Variants in TNPO1 observed in about 807,000 individuals in gnomAD.
TNPO1 encodes the protein transportin-1.
Under a neutral mutation model 119.5 loss-of-function variants are expected in TNPO1, and 8 were observed. The ratio of observed to expected loss-of-function variants is 0.07; its 90% CI spans 0.04 to 0.12. The LOEUF is 0.12. Among genes scored for constraint, TNPO1 ranks in the 10% least tolerant of loss-of-function variants. TNPO1 has a pLI of 1.00. For synonymous variants in TNPO1, 362 were observed against 363.0 expected (o/e 1.00, Z 0.03); for missense variants, 576 against 1,089.8 (o/e 0.53, Z 6.64).
intron 13 of TNPO1, 29 bp downstream of exon 13, chr5:72,888,332 T>G (rs1019276084): frequency 5.0e-6 from 8 of 1,589,370 alleles, no homozygotes; most frequent in Non-Finnish European, 6.0e-6. Flanking sequence ...ACAGTGTTCT[T>G]TGTGGCAGTG....
chr5:72,875,766 A>G, intron 8 of TNPO1, 29 bp downstream of exon 8: 3 of 1,586,194 alleles, frequency 1.9e-6, no homozygotes, highest in South Asian at 1.1e-5. Context: ...AGGCTCTTTC[A>G]TCATCTTTCC....
chr5:72,826,520 T>A (rs374908173), intron 1 of TNPO1, among the ~76,000 whole-genome samples: 39 of 152,204 alleles, frequency 2.6e-4, no homozygotes, highest in African/African-American at 8.7e-4. Context: ...GCAAGATCTT[T>A]GTTTTATTTT....
chr5:72,862,786 C>G (rs543506988), intron 5 of TNPO1, among the ~76,000 whole-genome samples: 1 of 152,252 alleles, frequency 6.6e-6, no homozygotes, highest in African/African-American at 2.4e-5. Flanking sequence ...GCTGCGATTA[C>G]AGGCATGAGC....
At chr5:72,901,188 A>G (rs1042997302) in intron 22 of TNPO1, 115 bp downstream of exon 22, 1 of 612,776 alleles carries the variant, frequency 1.6e-6, no homozygotes, top group African/African-American at 1.9e-5. Context: ...ATCAAAATAC[A>G]GTTAAACCTT....
At chr5:72,865,110 GATTTTTAC>G (rs1241182944) in intron 5 of TNPO1, among the ~76,000 whole-genome samples, 2 of 152,038 alleles carry the variant, frequency 1.3e-5, no homozygotes, top group African/African-American at 4.8e-5. Flanking sequence ...TTTTAACTGA[GATTTTTAC>G]ATACTCGATG....
At chr5:72,851,551 G>C (rs1481919962) in intron 3 of TNPO1, among the ~76,000 whole-genome samples, 1 of 152,122 alleles carries the variant, frequency 6.6e-6, no homozygotes, top group Non-Finnish European at 1.5e-5. Context: ...GGAGTGCAGT[G>C]GTGCGATCTT....
At chr5:72,833,890 C>T (rs998419612) in intron 1 of TNPO1, among the ~76,000 whole-genome samples, 2 of 152,110 alleles carry the variant, frequency 1.3e-5, no homozygotes, top group African/African-American at 4.8e-5. Flanking sequence ...TTTAGTTGTA[C>T]GGTAGTCTAT....
chr5:72,869,610 G>GA (rs1418656864), intron 6 of TNPO1, among the ~76,000 whole-genome samples: 1 of 152,106 alleles, frequency 6.6e-6, no homozygotes, highest in Non-Finnish European at 1.5e-5. Flanking sequence ...CTAAAAATCA[G>GA]AATTTGACCT....
chr5:72,848,794 A>C (rs1258715216), intron 2 of TNPO1, among the ~76,000 whole-genome samples: 1 of 148,092 alleles, frequency 6.8e-6, no homozygotes, highest in South Asian at 2.1e-4. Flanking sequence ...GGATCGCGAC[A>C]TGTGCGCGGG....
intron 4 of TNPO1, among the ~76,000 whole-genome samples, chr5:72,857,637 G>A (rs1746108017): frequency 6.6e-6 from 1 of 152,220 alleles, no homozygotes; most frequent in Non-Finnish European, 1.5e-5. Context: ...ATGGAATTTA[G>A]AAGGAAGGTG....
In TNPO1 at chr5:72,889,941, A is replaced by G. The variant is rs765305082; in HGVS notation, c.1685A>G (p.His562Arg). 15 of 1,613,388 alleles carry G rather than the reference A, an allele frequency of 9.3e-6. No homozygotes were observed. The highest frequency in any genetic ancestry group is 1.7e-5 in the Admixed American group (1 of 59,828). ...GGAACATTAGCAGATTCAGTAGGAC[A>G]TCATTTAAACAAACCAGTAAGTATC... ...AIGTLADSVGHHLNKPEYIQM... is the reference protein window; with the variant it reads ...AIGTLADSVGRHLNKPEYIQM... The change falls in exon 14 of 25, where the codon CAT (histidine) becomes CGT (arginine). Residue 562 changes from histidine (H) to arginine (R), a missense_variant. By Grantham distance (29) the His-to-Arg change is conservative (BLOSUM62 0). Around this residue, in one of 6 missense-constraint regions of TNPO1, gnomAD observed 23 missense variants for 105.8 expected, o/e 0.22. Transcript: ENST00000337273.
At chr5:72,882,439 T>A in intron 9 of TNPO1, 28 bp from the exon 10 acceptor site, 1 of 1,573,366 alleles carries the variant, frequency 6.4e-7, no homozygotes, top group Non-Finnish European at 8.7e-7. Context: ...TCTTAAGGTC[T>A]TTGTTTCATG....
intron 4 of TNPO1, 33 bp downstream of exon 4, chr5:72,855,956 G>A: frequency 1.9e-6 from 3 of 1,605,322 alleles, no homozygotes; most frequent in Non-Finnish European, 2.6e-6. Context: ...TGCTTACTTT[G>A]TTTGTAACTG....
chr5:72,896,430 T>C, intron 18 of TNPO1, 28 bp from the exon 19 acceptor site: 1 of 1,549,492 alleles, frequency 6.5e-7, no homozygotes, highest in East Asian at 2.3e-5. Context: ...TTGAAAAGTT[T>C]ACTACATAGT....
intron 21 of TNPO1, among the ~76,000 whole-genome samples, chr5:72,900,525 A>G (rs986124076): frequency 6.6e-6 from 1 of 152,156 alleles, no homozygotes; most frequent in East Asian, 1.9e-4. Flanking sequence ...AAAGTTAAAC[A>G]TCTACACCAT....
chr5:72,848,793 C>A (rs1208614676), intron 2 of TNPO1, among the ~76,000 whole-genome samples: 1 of 148,706 alleles, frequency 6.7e-6, no homozygotes, highest in African/African-American at 2.4e-5. Context: ...GGGATCGCGA[C>A]ATGTGCGCGG....
intron 6 of TNPO1, among the ~76,000 whole-genome samples, chr5:72,870,158 CTTT>C (rs200118076): frequency 2.8e-5 from 3 of 106,164 alleles, no homozygotes; most frequent in South Asian, 3.3e-4. Flanking sequence ...ATACTAATTG[CTTT>C]TTTTTTTTTT....
intron 1 of TNPO1, among the ~76,000 whole-genome samples, chr5:72,846,713 G>C (rs376928215): frequency 2.0e-5 from 3 of 152,126 alleles, no homozygotes; most frequent in African/African-American, 4.8e-5. Context: ...CATACTCAGC[G>C]ATCTCTATCT....
At position 72,831,410 on chromosome 5, in the gene TNPO1, C is replaced by T. The variant is rs188018172; in HGVS notation, c.15+14658C>T. 1.4e-3 allele frequency among the ~76,000 whole-genome samples: 209 copies of T among 151,748 alleles called. No homozygotes were observed. In the Middle Eastern group the frequency reaches 0.014, roughly 11 times the overall value. ...AAAAATTAGGAAATTAGTGAAAGAT[C>T]CTTGTATTATTATGTCTGATATAAA... is the stretch of plus-strand genomic sequence containing the variant. On this transcript the variant is annotated intron_variant, in intron 1 of 24. Coordinates refer to ENST00000337273, the MANE Select transcript of TNPO1 (RefSeq NM_002270.4).
Sources: allele counts gnomAD v4.1 joint callset (sites outside exome capture counted in the v4.1 genomes callset), GRCh38; gene constraint gnomAD v4.1.1; regional missense constraint gnomAD v4.1.1; transcripts MANE v1.5; gene names NCBI Gene and HGNC (gene_info 2026-07-23, HGNC 2026-07-21).